The following DCTN4 variants were observed in gnomAD, a reference collection of about 807,000 sequenced individuals.
DCTN4 encodes dynactin 4 (p62).
A neutral mutation model predicts 62.7 loss-of-function variants in DCTN4; 23 were observed. That is an observed-to-expected ratio of 0.37 (90% CI 0.26 to 0.52). The LOEUF is 0.52. Ranked by LOEUF, DCTN4 falls within the 20% of genes least tolerant of loss-of-function variation. The pLI is 0.92. For missense variants in DCTN4, 514 were observed against 580.4 expected (o/e 0.89, Z 1.18); for synonymous variants, 199 against 202.1 (o/e 0.98, Z 0.13).
intron 8 of DCTN4, among the ~76,000 whole-genome samples, chr5:150,728,789 T>C (rs76781250): frequency 0.051 from 7,752 of 152,242 alleles, 667 homozygotes; most frequent in African/African-American, 0.18. Flanking sequence ...CTGACAATGT[T>C]TGTCTTTTAA....
At chr5:150,715,844 G>A (rs1421189448) in intron 11 of DCTN4, among the ~76,000 whole-genome samples, 182 bp from the exon 12 acceptor site, 1 of 152,134 alleles carries the variant, frequency 6.6e-6, no homozygotes, top group Non-Finnish European at 1.5e-5. Context: ...TACTTCATGG[G>A]GTCTGCAATG....
At position 150,746,588 on chromosome 5, in the gene DCTN4, A is replaced by C. The variant is rs28843179; in HGVS notation, c.386-4431T>G. 2.7e-3 allele frequency among the ~76,000 whole-genome samples: 403 copies of C among 152,046 alleles called. 2 individuals carry two copies. The highest frequency in any genetic ancestry group is 8.6e-3 in the African/African-American group (357 of 41,480). ...AGCAGCACATCAAAAAGCTTATCCA[A>C]CATGATCAAGTGGGCTTCATCCCTG... On this transcript the variant is annotated intron_variant, in intron 3 of 12. Coordinates refer to ENST00000447998, the MANE Select transcript of DCTN4 (RefSeq NM_016221.4).
Position 150,758,930 on chromosome 5 carries a change from C to A in DCTN4, c.64G>T (p.Ala22Ser). The A allele has an allele frequency of 6.2e-7, 1 of 1,614,112 alleles. No individual in the cohort carries two copies. Among genetic ancestry groups the A allele is most frequent in the South Asian group, 1.1e-5 (1 of 91,074 alleles). ...CAGAAGTAGAGTTGCGAGAGCGGGGCCCGAACCTTCTTTTCTCCCTGGACT... is the reference window on the plus strand; with the variant it reads ...CAGAAGTAGAGTTGCGAGAGCGGGGACCGAACCTTCTTTTCTCCCTGGACT... The part of the protein sequence containing the change: ...YLVQGEKKVR[A>S]PLSQLYFCRY... Residue 22 changes from alanine (A) to serine (S), a missense_variant, in exon 1 of 13, where the codon GCC (alanine) becomes TCC (serine). Transcript: ENST00000447998.
intron 3 of DCTN4, among the ~76,000 whole-genome samples, chr5:150,752,870 ATT>A (rs1240255796): frequency 1.4e-5 from 2 of 144,374 alleles, no homozygotes. Flanking sequence ...ATCTTTAAAG[ATT>A]TTTTTTTTTT....
intron 8 of DCTN4, among the ~76,000 whole-genome samples, chr5:150,725,817 C>G (rs1266944710): frequency 2.6e-5 from 4 of 152,180 alleles, no homozygotes; most frequent in African/African-American, 9.7e-5. Flanking sequence ...AAGAAACAAT[C>G]ATGAAAGTTG....
chr5:150,758,936 CCTT>C lies in DCTN4; in HGVS notation c.55_57del (p.Lys19del), dbSNP rs1561715690. 6.2e-7 allele frequency: 1 copy of C among 1,614,012 alleles called. No homozygotes were observed. The highest frequency in any genetic ancestry group is 2.2e-5 in the East Asian group (1 of 44,890). ...TAGAGTTGCGAGAGCGGGGCCCGAA[CCTT>C]CTTTTCTCCCTGGACTAGATAGAGA... On this transcript the variant is annotated inframe_deletion, in exon 1 of 13. Transcript: ENST00000447998.
In DCTN4 at chr5:150,758,573, T is replaced by C. The variant is rs1045470071; in HGVS notation, c.135+286A>G. The C allele has an allele frequency of 2.3e-5, 26 of 1,154,560 alleles. No homozygotes were observed. In the African/African-American group the frequency reaches 3.8e-4, roughly 17 times the overall value. 71.5% of individuals were successfully genotyped at this position (1,154,560 alleles called of 1,614,324 possible). On this transcript the variant is annotated intron_variant, in intron 1 of 12. Coordinates refer to ENST00000447998, the MANE Select transcript of DCTN4 (RefSeq NM_016221.4). ...AGCACCCCCAGACCTTTCTCCGTAG[T>C]CCACCCAATTACCAAGCCCCATCGC...
chr5:150,718,243 C>A, intron 11 of DCTN4, 33 bp downstream of exon 11: 6 of 1,457,908 alleles, frequency 4.1e-6, no homozygotes, highest in Middle Eastern at 1.9e-4. Flanking sequence ...AGGGAAAGTG[C>A]GGGTCAGTCA....
At chr5:150,718,514 T>G in intron 10 of DCTN4, 131 bp from the exon 11 acceptor site, 1 of 633,108 alleles carries the variant, frequency 1.6e-6, no homozygotes, top group Non-Finnish European at 2.8e-6. Context: ...TACATCACTG[T>G]ATTCTCTATG....
At chr5:150,742,063 T>C (rs1240778584) in intron 4 of DCTN4, 51 bp downstream of exon 4, 1 of 1,517,346 alleles carries the variant, frequency 6.6e-7, no homozygotes, top group Non-Finnish European at 9.2e-7. Context: ...TTCAGTCTTT[T>C]ACTCAATTTT....
rs915725637 is a variant in DCTN4, at chr5:150,731,074, A to G, written c.694T>C (p.Tyr232His). ...VDEVEPLPEDYYTRPVNLTEV... is the reference protein window; with the variant it reads ...VDEVEPLPEDHYTRPVNLTEV... ...GTTAAATTTACTGGTCTTGTATAAT[A>G]GTCTTCAGGTAGAGGTTCCACTTCA... Residue 232 changes from tyrosine (Y) to histidine (H), a missense_variant, in exon 7 of 13, where the codon TAT (tyrosine) becomes CAT (histidine). Tyr to His is a moderately conservative substitution (Grantham distance 83). Coordinates refer to ENST00000447998, the MANE Select transcript of DCTN4 (RefSeq NM_016221.4). The G allele has an allele frequency of 4.4e-6, 7 of 1,608,264 alleles. No homozygotes were observed. The highest frequency in any genetic ancestry group is 5.1e-6 in the Non-Finnish European group (6 of 1,174,772).
rs1283433098 is a variant in DCTN4, at chr5:150,748,488, A to G, written c.385+4991T>C. The stretch of plus-strand genomic sequence containing the variant: ...TGCTGCTATAAAGACACATGCACAC[A>G]TATGTTTATTGCGGCACTATTCACA... On this transcript the variant is annotated intron_variant, in intron 3 of 12. Coordinates refer to ENST00000447998, the MANE Select transcript of DCTN4 (RefSeq NM_016221.4). Among the ~76,000 whole-genome samples the G allele has an allele frequency of 7.0e-3, 1,067 of 151,612 alleles. 11 individuals carry two copies. Among genetic ancestry groups the G allele is most frequent in the African/African-American group, 0.024 (968 of 41,186 alleles).
At chr5:150,736,184 C>T (rs1760575985) in intron 4 of DCTN4, 1 of 152,132 alleles carries the variant, frequency 6.6e-6, no homozygotes, top group Non-Finnish European at 1.5e-5. Context: ...GGAAAACTTA[C>T]TTGAGGAAAG....
At position 150,753,513 on chromosome 5, in the gene DCTN4, C is replaced by T. The variant is rs373403234; in HGVS notation, c.351G>A (p.Thr117=). The change falls in exon 3 of 13, where the codon ACG becomes ACA. Residue 117 remains threonine, a synonymous_variant. Coordinates refer to ENST00000447998, the MANE Select transcript of DCTN4 (RefSeq NM_016221.4). ...YYLACGFCRW[T]SRDVGMADKS... ...TGTCTGCCATGCCCACATCTCTAGA[C>T]GTCCAGCGACAAAATCCACATGCCA... The T allele has an allele frequency of 1.3e-5, 21 of 1,614,050 alleles. No individual in the cohort carries two copies. The highest frequency in any genetic ancestry group is 1.1e-4 in the African/African-American group (8 of 74,932).
At chr5:150,717,406 T>C (rs1759800525) in intron 11 of DCTN4, among the ~76,000 whole-genome samples, 1 of 152,170 alleles carries the variant, frequency 6.6e-6, no homozygotes. Flanking sequence ...TCTGCCATCA[T>C]GCCCGGCTAA....
chr5:150,712,527 A>C (rs530312857), intron 12 of DCTN4, among the ~76,000 whole-genome samples: 2 of 152,316 alleles, frequency 1.3e-5, no homozygotes, highest in Admixed American at 1.3e-4. Context: ...TCCTAAGCTC[A>C]AATGATCCTT....
intron 6 of DCTN4, 26 bp from the exon 7 acceptor site, chr5:150,731,182 A>AC (rs1340621578): frequency 6.8e-7 from 1 of 1,469,020 alleles, no homozygotes; most frequent in Non-Finnish European, 9.5e-7. Flanking sequence ...AACAAAACAA[A>AC]ACAAAACAAA....
chr5:150,746,865 T>C (rs916417694), intron 3 of DCTN4, among the ~76,000 whole-genome samples: 3 of 152,170 alleles, frequency 2.0e-5, no homozygotes, highest in Non-Finnish European at 2.9e-5. Flanking sequence ...AGCAATCCCT[T>C]TGAAAACTGG....
Position 150,729,033 on chromosome 5 carries a change from C to T in DCTN4, c.834+1598G>A, listed in dbSNP as rs552004365. Among the ~76,000 whole-genome samples the T allele has an allele frequency of 2.2e-5, 3 of 138,132 alleles. No homozygotes were observed. The South Asian group carries it at 6.9e-4, about 32-fold the overall frequency. The allele number at this position is 138,132 out of a possible 152,430, so 90.6% of individuals were successfully genotyped here. ...GCTGGGACTACAAGTGTGTGAACCA[C>T]CACACTGGCTTTTTTTTTTTTTTTT... On this transcript the variant is annotated intron_variant, in intron 8 of 12. Transcript: ENST00000447998.
Sources: allele counts gnomAD v4.1 joint callset (sites outside exome capture counted in the v4.1 genomes callset), GRCh38; gene constraint gnomAD v4.1.1; transcripts MANE v1.5; gene names NCBI Gene and HGNC (gene_info 2026-07-23, HGNC 2026-07-21).